The following AFF3 variants were observed in gnomAD, a reference collection of about 807,000 sequenced individuals.
The protein encoded by AFF3 is AF4/FMR2 family member 3.
Under a neutral mutation model 129.7 loss-of-function variants are expected in AFF3, and 32 were observed. That is an observed-to-expected ratio of 0.25 (90% CI 0.19 to 0.33). AFF3 has a LOEUF of 0.33. Ranked by LOEUF, AFF3 falls within the 10% of genes least tolerant of loss-of-function variation. The probability of loss-of-function intolerance (pLI) is 1.00; values close to 1 mark genes in which losing one functional copy is unlikely to be tolerated. For synonymous variants in AFF3, 644 were observed against 635.4 expected (o/e 1.01, Z -0.20); for missense variants, 1,373 against 1,592.0 (o/e 0.86, Z 2.34).
At chr2:99,880,819 A>C (rs1418299237) in intron 7 of AFF3, among the ~76,000 whole-genome samples, 1 of 152,158 alleles carries the variant, frequency 6.6e-6, no homozygotes, top group East Asian at 1.9e-4. Context: ...CAGATGACGG[A>C]GTGCTGTTTG....
chr2:99,826,400 A>C (rs1214579767), intron 8 of AFF3, among the ~76,000 whole-genome samples: 2 of 152,248 alleles, frequency 1.3e-5, no homozygotes, highest in Non-Finnish European at 2.9e-5. Flanking sequence ...AGGAGAAAAT[A>C]AGAAAGACCA....
chr2:99,812,552 T>C (rs1226302180), intron 8 of AFF3, among the ~76,000 whole-genome samples: 1 of 152,126 alleles, frequency 6.6e-6, no homozygotes, highest in Non-Finnish European at 1.5e-5. Flanking sequence ...CGAAAAAACA[T>C]GGTCGTTGGT....
At chr2:100,105,290 C>T in intron 3 of AFF3, 1 of 1,183,112 alleles carries the variant, frequency 8.5e-7, no homozygotes, top group South Asian at 1.6e-5. Context: ...CGCCCAGGCG[C>T]GGGGAGAGTG....
chr2:99,801,737 G>A (rs2105510082), intron 8 of AFF3, among the ~76,000 whole-genome samples: 1 of 152,312 alleles, frequency 6.6e-6, no homozygotes, highest in Middle Eastern at 3.4e-3. Context: ...CAGCTCCTGA[G>A]CTCATGTATT....
chr2:99,908,314 A>G (rs4851242), intron 7 of AFF3, among the ~76,000 whole-genome samples: 20,963 of 152,144 alleles, frequency 0.14, 1,907 homozygotes, highest in East Asian at 0.31. Flanking sequence ...TACACCTTAT[A>G]CAAAAATTAA....
chr2:99,711,720 T>C (rs1460128011), intron 11 of AFF3, among the ~76,000 whole-genome samples: 4 of 152,220 alleles, frequency 2.6e-5, no homozygotes, highest in African/African-American at 9.6e-5. Flanking sequence ...CATTTATTCA[T>C]ACTGTACTTG....
intron 15 of AFF3, among the ~76,000 whole-genome samples, chr2:99,590,285 G>C (rs2104927493): frequency 6.6e-6 from 1 of 152,366 alleles, no homozygotes; most frequent in East Asian, 1.9e-4. Flanking sequence ...CTAGGGCCCA[G>C]GGTGCCAGGA....
intron 11 of AFF3, among the ~76,000 whole-genome samples, chr2:99,698,136 C>T (rs1676482842): frequency 2.0e-5 from 3 of 152,214 alleles, no homozygotes; most frequent in Admixed American, 6.5e-5. Context: ...GAACTTCCCA[C>T]CAGCATGAAA....
chr2:99,958,509 A>G (rs1676886596), intron 7 of AFF3, among the ~76,000 whole-genome samples: 1 of 151,300 alleles, frequency 6.6e-6, no homozygotes, highest in African/African-American at 2.4e-5. Flanking sequence ...AAGGGAGGAC[A>G]CAATGCGACA....
chr2:100,123,559 A>G (rs1264717859), intron 2 of AFF3, among the ~76,000 whole-genome samples: 1 of 152,222 alleles, frequency 6.6e-6, no homozygotes, highest in Non-Finnish European at 1.5e-5. Flanking sequence ...TAGCTCTGTA[A>G]TCATAAGTCT....
chr2:99,719,346 T>C (rs1423360372), intron 11 of AFF3, among the ~76,000 whole-genome samples: 2 of 152,196 alleles, frequency 1.3e-5, no homozygotes, highest in Non-Finnish European at 2.9e-5. Flanking sequence ...GAATCAGATA[T>C]GCTAATATGT....
chr2:99,898,950 T>A (rs1025484927), intron 7 of AFF3, among the ~76,000 whole-genome samples: 8 of 152,132 alleles, frequency 5.3e-5, no homozygotes, highest in African/African-American at 1.9e-4. Flanking sequence ...TTTCCTGTCC[T>A]CCACTCCTTG....
In AFF3 at chr2:100,094,369, T is replaced by A. The variant is rs1465065131; in HGVS notation, c.53+10033A>T. Among the ~76,000 whole-genome samples, 12 of 152,168 alleles carry A rather than the reference T, an allele frequency of 7.9e-5. No homozygotes were observed. The East Asian group carries it at 1.4e-3, about 17-fold the overall frequency. ...GGGGGTGATGGGAGACAGTTACAGATCATCAGGCATTAGATTCTCATAAGG... is the reference window on the plus strand; with the variant it reads ...GGGGGTGATGGGAGACAGTTACAGAACATCAGGCATTAGATTCTCATAAGG... On this transcript the variant is annotated intron_variant, in intron 4 of 24. Transcript: ENST00000672756.
chr2:99,875,159 C>T (rs1414846762), intron 7 of AFF3, among the ~76,000 whole-genome samples: 8 of 152,174 alleles, frequency 5.3e-5, no homozygotes, highest in Non-Finnish European at 1.2e-4. Flanking sequence ...TCTGTTTGGC[C>T]TTGTCCTGTA....
rs1679845684 is a variant in AFF3 at position 99,601,598 on chromosome 2, CAG to C, written c.1206_1207del (p.Asn402LysfsTer33). On this transcript the variant is annotated frameshift_variant, in exon 14 of 25. Coordinates refer to ENST00000672756, the MANE Select transcript of AFF3 (RefSeq NM_001386135.1). LOFTEE classifies it high-confidence loss of function. ...CTTGCTGGAAGGCACCGAGGTTCTG[CAG>C]TTGGGCTGCTGGACCACGGCGCTGC... 1 of 1,597,320 alleles carries C rather than the reference CAG, an allele frequency of 6.3e-7. No individual in the cohort carries two copies. Among genetic ancestry groups the C allele is most frequent in the Non-Finnish European group, 8.5e-7 (1 of 1,176,732 alleles).
chr2:99,639,116 C>A (rs1411538708), intron 13 of AFF3, among the ~76,000 whole-genome samples: 1 of 152,184 alleles, frequency 6.6e-6, no homozygotes, highest in South Asian at 2.1e-4. Flanking sequence ...TGGCTTTATA[C>A]AACTCGTTAT....
chr2:99,973,883 A>G (rs529773703), intron 7 of AFF3, among the ~76,000 whole-genome samples: 2 of 152,270 alleles, frequency 1.3e-5, no homozygotes, highest in East Asian at 1.9e-4. Flanking sequence ...GCAGGCGTTA[A>G]TGAGCCATTT....
chr2:99,706,712 T>C (rs755363462), intron 11 of AFF3, among the ~76,000 whole-genome samples: 1 of 152,114 alleles, frequency 6.6e-6, no homozygotes, highest in African/African-American at 2.4e-5. Context: ...GGTGAGAAAA[T>C]TCCTTGCACC....
chr2:99,858,229 C>G (rs187743162), intron 7 of AFF3, among the ~76,000 whole-genome samples: 23 of 152,178 alleles, frequency 1.5e-4, no homozygotes, highest in African/African-American at 5.5e-4. Context: ...GGCAGGCCCA[C>G]AACGGAAGCA....
Sources: gnomAD v4.1 joint callset for allele counts (sites outside exome capture counted in the v4.1 genomes callset) on GRCh38, gnomAD v4.1.1 for gene constraint, MANE v1.5 for transcripts, NCBI Gene and HGNC (gene_info 2026-07-23, HGNC 2026-07-21) for gene names.